Variants in EPB41L2 observed in about 807,000 individuals in gnomAD.
EPB41L2 encodes band 4.1-like protein 2.
In EPB41L2, 43 loss-of-function variants were observed where a neutral mutation model predicts 113.0. The ratio of observed to expected loss-of-function variants is 0.38; its 90% CI spans 0.30 to 0.49. The LOEUF (loss-of-function observed/expected upper bound fraction) is 0.49. Among genes scored for constraint, EPB41L2 ranks in the 20% least tolerant of loss-of-function variants. EPB41L2 has a pLI of 0.95. For missense variants in EPB41L2, 1,147 were observed against 1,223.4 expected, an observed-to-expected ratio of 0.94 and a Z score of 0.93; for synonymous variants, 442 against 436.7, an observed-to-expected ratio of 1.01 and a Z score of -0.15.
rs1407176640 is a variant in EPB41L2, at chr6:130,956,136, G to C, written c.350C>G (p.Pro117Arg). The C allele has an allele frequency of 6.2e-7, 1 of 1,614,014 alleles. No individual in the cohort carries two copies. The highest frequency in any genetic ancestry group is 2.2e-5 in the East Asian group (1 of 44,878). The change falls in exon 2 of 20, where the codon CCC becomes CGC. Residue 117 changes from proline to arginine, a missense_variant. Pro to Arg is a moderately radical substitution (Grantham distance 103). Coordinates refer to ENST00000337057, the MANE Select transcript of EPB41L2 (RefSeq NM_001431.4). ...AGCCTGTCTCTGTTCTTCTGGAAGG[G>C]GTTCCTCTTTATCTAAGACCTGTTC... ...VEEQVLDKEE[P>R]LPEEQRQAKG... is the part of the protein sequence containing the mutation.
intron 8 of EPB41L2, among the ~76,000 whole-genome samples, chr6:130,898,443 C>A (rs1444753319): frequency 1.3e-5 from 2 of 152,062 alleles, no homozygotes; most frequent in East Asian, 3.8e-4. Context: ...TAAAAGCAGG[C>A]TACCATAAGG....
At chr6:130,972,093 G>A (rs1776936741) in intron 1 of EPB41L2, among the ~76,000 whole-genome samples, 1 of 152,166 alleles carries the variant, frequency 6.6e-6, no homozygotes, top group Admixed American at 6.5e-5. Flanking sequence ...TGAGGCCGAT[G>A]TGGACGAATC....
At chr6:130,925,190 C>CTTT (rs398048854) in intron 4 of EPB41L2, among the ~76,000 whole-genome samples, 22,246 of 130,210 alleles carry the variant, frequency 0.17, 2,679 homozygotes, top group African/African-American at 0.28. Flanking sequence ...GATTTCTTTT[C>CTTT]TTTTTTTTTT....
intron 1 of EPB41L2, among the ~76,000 whole-genome samples, chr6:130,963,446 TTACTC>T (rs1175311796): frequency 1.3e-5 from 2 of 152,304 alleles, no homozygotes; most frequent in East Asian, 1.9e-4. Context: ...CACTAATTCT[TTACTC>T]TAACAACTCT....
At chr6:130,996,406 G>C (rs1018532904) in intron 1 of EPB41L2, among the ~76,000 whole-genome samples, 1 of 152,144 alleles carries the variant, frequency 6.6e-6, no homozygotes. Flanking sequence ...GGACGGGTCA[G>C]GGCTTATGTG....
At chr6:130,865,513 T>C (rs1288459635) in intron 17 of EPB41L2, 23 bp downstream of exon 17, 15 of 1,606,292 alleles carry the variant, frequency 9.3e-6, no homozygotes, top group Middle Eastern at 1.7e-4. Flanking sequence ...ATCCTCTCCA[T>C]ATGATCCCCT....
chr6:131,051,099 T>A (rs1031722004), intron 1 of EPB41L2, among the ~76,000 whole-genome samples: 1 of 151,922 alleles, frequency 6.6e-6, no homozygotes, highest in Non-Finnish European at 1.5e-5. Context: ...AGGAAAAAAA[T>A]ATAATACATT....
chr6:130,933,900 C>A (rs1354863300), intron 3 of EPB41L2, among the ~76,000 whole-genome samples: 7 of 152,198 alleles, frequency 4.6e-5, no homozygotes, highest in African/African-American at 1.7e-4. Context: ...TAAACACCAT[C>A]ACTGTCTCCG....
chr6:130,975,031 G>A (rs114808761), intron 1 of EPB41L2, among the ~76,000 whole-genome samples: 3,713 of 152,192 alleles, frequency 0.024, 40 homozygotes, highest in Middle Eastern at 0.041. Context: ...ACCCAGAGAG[G>A]TGAAATAACA....
intron 1 of EPB41L2, among the ~76,000 whole-genome samples, chr6:130,965,506 GC>G (rs1248689865): frequency 6.6e-6 from 1 of 151,880 alleles, no homozygotes; most frequent in Non-Finnish European, 1.5e-5. Context: ...GAATAAAAAA[GC>G]CCAATAAAAC....
chr6:130,942,680 G>C lies in EPB41L2; in HGVS notation c.705+12425C>G, dbSNP rs563369633. Among the ~76,000 whole-genome samples the C allele has an allele frequency of 3.3e-5, 5 of 152,260 alleles. No individual in the cohort carries two copies. The South Asian group carries it at 1.0e-3, about 32-fold the overall frequency. ...AGGTTTGTTACATAGGTATACATGTGCCATGGTGGTTTGCTGCACCCATTA... is the reference window on the plus strand; with the variant it reads ...AGGTTTGTTACATAGGTATACATGTCCCATGGTGGTTTGCTGCACCCATTA... On this transcript the variant is annotated intron_variant, in intron 3 of 19. Transcript: ENST00000337057.
At chr6:131,006,459 C>T (rs949635352) in intron 1 of EPB41L2, among the ~76,000 whole-genome samples, 13 of 151,524 alleles carry the variant, frequency 8.6e-5, no homozygotes, top group Admixed American at 6.6e-4. Flanking sequence ...GTCAGGAGCT[C>T]GAGACGAGCC....
At chr6:131,026,640 C>A (rs1180849553) in intron 1 of EPB41L2, among the ~76,000 whole-genome samples, 1 of 152,170 alleles carries the variant, frequency 6.6e-6, no homozygotes, top group African/African-American at 2.4e-5. Flanking sequence ...ACCCATCTTT[C>A]CTGGTATACA....
intron 1 of EPB41L2, chr6:131,062,480 A>T (rs2128212037): frequency 6.6e-6 from 1 of 152,070 alleles, no homozygotes; most frequent in South Asian, 2.1e-4. Context: ...GGATCGGAGC[A>T]CGAAACACGC....
chr6:130,848,182 G>GTC (rs903761832), intron 19 of EPB41L2, among the ~76,000 whole-genome samples: 138 of 121,068 alleles, frequency 1.1e-3, no homozygotes, highest in Middle Eastern at 8.7e-3. Context: ...GTCTCTCTCT[G>GTC]TCTCTCTCTC....
intron 1 of EPB41L2, among the ~76,000 whole-genome samples, chr6:131,032,066 T>C (rs996773336): frequency 2.0e-5 from 3 of 152,178 alleles, no homozygotes; most frequent in African/African-American, 7.2e-5. Context: ...CTCAAAGAAA[T>C]GCTTATCAGA....
chr6:130,971,663 C>A (rs1479915974), intron 1 of EPB41L2, among the ~76,000 whole-genome samples: 1 of 152,168 alleles, frequency 6.6e-6, no homozygotes, highest in African/African-American at 2.4e-5. Context: ...TGGTTTGCAA[C>A]TGAAAACTTA....
chr6:131,000,457 C>G (rs1323337292), intron 1 of EPB41L2, among the ~76,000 whole-genome samples: 1 of 152,180 alleles, frequency 6.6e-6, no homozygotes, highest in East Asian at 1.9e-4. Flanking sequence ...ATCTGACCAA[C>G]GCAACTACCA....
At chr6:130,848,186 C>CTGTCTG (rs776297839) in intron 19 of EPB41L2, among the ~76,000 whole-genome samples, 1 of 114,708 alleles carries the variant, frequency 8.7e-6, no homozygotes, top group Non-Finnish European at 1.7e-5. Flanking sequence ...CTCTCTGTCT[C>CTGTCTG]TCTCTCTCTC....
Sources: allele counts gnomAD v4.1 joint callset (sites outside exome capture counted in the v4.1 genomes callset), GRCh38; gene constraint gnomAD v4.1.1; transcripts MANE v1.5; gene names NCBI Gene and HGNC (gene_info 2026-07-23, HGNC 2026-07-21).